Variants in METTL15 observed in about 807,000 individuals in gnomAD.
METTL15 encodes methyltransferase 15, mitochondrial 12S rRNA N4-cytidine, also known as 12S rRNA N(4)-cytidine methyltransferase METTL15.
A neutral mutation model predicts 38.3 loss-of-function variants in METTL15; 34 were observed. The ratio of observed to expected loss-of-function variants is 0.89; its 90% CI spans 0.68 to 1.18. METTL15 has a LOEUF of 1.18. Among genes scored for constraint, METTL15 ranks in the 50% most tolerant of loss-of-function variants. The probability of loss-of-function intolerance (pLI) is 0.00; values close to 1 mark genes in which losing one functional copy is unlikely to be tolerated. For synonymous variants in METTL15, 162 were observed against 170.9 expected, an observed-to-expected ratio of 0.95 and a Z score of 0.41; for missense variants, 438 against 498.4, an observed-to-expected ratio of 0.88 and a Z score of 1.15.
chr11:28,239,584 A>G (rs1012245770), intron 4 of METTL15, among the ~76,000 whole-genome samples: 1 of 152,076 alleles, frequency 6.6e-6, no homozygotes, highest in East Asian at 1.9e-4. Context: ...CTTAAAAGCA[A>G]ATTAGATCAT....
intron 3 of METTL15, among the ~76,000 whole-genome samples, chr11:28,208,650 A>G (rs1353535889): frequency 6.6e-6 from 1 of 152,086 alleles, no homozygotes; most frequent in African/African-American, 2.4e-5. Flanking sequence ...GCTGAGTTCA[A>G]TTCCTGAGTA....
chr11:28,513,325 C>T (rs1409289227), intron 6 of METTL15, among the ~76,000 whole-genome samples: 1 of 152,154 alleles, frequency 6.6e-6, no homozygotes, highest in African/African-American at 2.4e-5. Context: ...TGGAGCTGTG[C>T]TTATGCCTTT....
intron 6 of METTL15, among the ~76,000 whole-genome samples, chr11:28,326,119 A>G (rs1849626847): frequency 6.6e-6 from 1 of 152,194 alleles, no homozygotes; most frequent in Non-Finnish European, 1.5e-5. Flanking sequence ...AAGCAGAACA[A>G]TAAGTTTCTA....
intron 6 of METTL15, among the ~76,000 whole-genome samples, chr11:28,436,043 A>T (rs1564931069): frequency 6.9e-6 from 1 of 144,098 alleles, no homozygotes; most frequent in South Asian, 2.1e-4. Context: ...TGTATCAAAT[A>T]CAGTCAATAA....
chr11:28,433,083 A>G (rs1383601497), intron 6 of METTL15, among the ~76,000 whole-genome samples: 1 of 151,944 alleles, frequency 6.6e-6, no homozygotes, highest in Non-Finnish European at 1.5e-5. Flanking sequence ...ACATTGAGGA[A>G]CTGTCATTCT....
At chr11:28,506,551 C>G (rs1308584133) in intron 6 of METTL15, among the ~76,000 whole-genome samples, 2 of 152,086 alleles carry the variant, frequency 1.3e-5, no homozygotes, top group African/African-American at 2.4e-5. Context: ...ATTACTCATT[C>G]AATATTTATG....
chr11:28,362,701 G>T (rs1442430732), intron 5 of METTL15, among the ~76,000 whole-genome samples: 1 of 152,098 alleles, frequency 6.6e-6, no homozygotes, highest in Non-Finnish European at 1.5e-5. Flanking sequence ...GCATGATTTT[G>T]TTCTTTTTTA....
Position 28,255,488 on chromosome 11 carries a change from A to T in METTL15, c.408-34718A>T, listed in dbSNP as rs373383868. Among the ~76,000 whole-genome samples the T allele has an allele frequency of 3.3e-4, 50 of 152,202 alleles. 2 individuals are homozygous for T. In the East Asian group the frequency reaches 6.4e-3, roughly 19 times the overall value. On this transcript the variant is annotated intron_variant, in intron 4 of 6. Transcript: ENST00000407364. ...TCTAGGACTTCCAGTACTGTGTTTA[A>T]TAACTGTGGTGAAAGTAGTCATCCT... is the stretch of plus-strand genomic sequence containing the variant.
rs1204639425 is a variant in METTL15, at chr11:28,502,692, T to C, written c.*425-23786T>C. 2.0e-5 allele frequency among the ~76,000 whole-genome samples: 3 copies of C among 152,230 alleles called. No homozygotes were observed. The East Asian group carries it at 5.8e-4, about 29-fold the overall frequency. The stretch of plus-strand genomic sequence containing the variant: ...GAAATCTTAGTGTAAAAAGAAATAA[T>C]TTTTTTCCCTTTTCTCTGAAGGCTT... On this transcript the variant is annotated intron_variant and NMD_transcript_variant, in intron 6 of 7. Coordinates refer to the METTL15 transcript ENST00000532947.
In METTL15 at chr11:28,287,155, AATGT is replaced by A. The variant is rs754339567; in HGVS notation, c.408-3050_408-3047del. 8 of 74,422 alleles carry A rather than the reference AATGT, an allele frequency of 1.1e-4. 1 individual carries two copies. The highest frequency in any genetic ancestry group is 3.4e-4 in the African/African-American group (6 of 17,674). The allele number at this position is 74,422 out of a possible 1,614,324, so 4.6% of individuals were successfully genotyped here. ...TGTATATATATAGAGAGAGAGAGAC[AATGT>A]GTGTGTGTGTGTGTGTGTGTGTGTG... is the stretch of plus-strand genomic sequence containing the variant. On this transcript the variant is annotated intron_variant, in intron 4 of 6. Coordinates refer to ENST00000407364, the MANE Select transcript of METTL15 (RefSeq NM_001113528.2).
chr11:28,420,758 C>CA (rs369557486), intron 5 of METTL15, among the ~76,000 whole-genome samples: 2,681 of 151,874 alleles, frequency 0.018, 51 homozygotes, highest in African/African-American at 0.051. Context: ...GTGCCTACAT[C>CA]AAAAAAGACG....
intron 5 of METTL15, among the ~76,000 whole-genome samples, chr11:28,419,292 A>G (rs1413481210): frequency 6.6e-6 from 1 of 152,212 alleles, no homozygotes; most frequent in South Asian, 2.1e-4. Flanking sequence ...GCAGCTCAGC[A>G]TAGAGAGGAA....
chr11:28,260,565 T>C (rs1855161222), intron 4 of METTL15, among the ~76,000 whole-genome samples: 1 of 152,178 alleles, frequency 6.6e-6, no homozygotes, highest in Admixed American at 6.5e-5. Context: ...AACAACTATT[T>C]GTTGACTGAT....
At chr11:28,306,923 T>G (rs1485337277) in intron 6 of METTL15, among the ~76,000 whole-genome samples, 1 of 152,086 alleles carries the variant, frequency 6.6e-6, no homozygotes, top group East Asian at 1.9e-4. Flanking sequence ...ATTTGAAAAA[T>G]TATGGAATAT....
chr11:28,173,894 G>A (rs537519633), intron 3 of METTL15, among the ~76,000 whole-genome samples: 5 of 152,162 alleles, frequency 3.3e-5, no homozygotes, highest in Non-Finnish European at 5.9e-5. Flanking sequence ...TAAGTTATGG[G>A]TTTCGGGGAG....
chr11:28,351,012 C>T (rs1202431104), intron 3 of METTL15, among the ~76,000 whole-genome samples: 4 of 152,158 alleles, frequency 2.6e-5, no homozygotes, highest in African/African-American at 4.8e-5. Flanking sequence ...AGAATGAGCT[C>T]CATTAATTTC....
chr11:28,202,895 C>A (rs907256874), intron 3 of METTL15, among the ~76,000 whole-genome samples: 1 of 152,008 alleles, frequency 6.6e-6, no homozygotes, highest in Non-Finnish European at 1.5e-5. Flanking sequence ...TGCCCTCATA[C>A]TGTTATGGCT....
chr11:28,252,682 G>A (rs1290109654), intron 4 of METTL15, among the ~76,000 whole-genome samples: 4 of 151,994 alleles, frequency 2.6e-5, no homozygotes, highest in East Asian at 1.9e-4. Context: ...GTCTATGGGA[G>A]CATCCTCATC....
chr11:28,487,996 T>C (rs1851452194), intron 6 of METTL15, among the ~76,000 whole-genome samples: 1 of 152,198 alleles, frequency 6.6e-6, no homozygotes, highest in Non-Finnish European at 1.5e-5. Context: ...ATCAGAACTC[T>C]AGCTAGTGTC....
Sources: allele counts gnomAD v4.1 joint callset (sites outside exome capture counted in the v4.1 genomes callset), GRCh38; gene constraint gnomAD v4.1.1; transcripts MANE v1.5; gene names NCBI Gene and HGNC (gene_info 2026-07-23, HGNC 2026-07-21).